Variants in KIAA1958 observed in about 807,000 individuals in gnomAD.
KIAA1958 encodes the protein uncharacterized protein KIAA1958.
Under a neutral mutation model 47.2 loss-of-function variants are expected in KIAA1958, and 14 were observed. The ratio of observed to expected loss-of-function variants is 0.30; its 90% CI spans 0.20 to 0.46. The LOEUF (loss-of-function observed/expected upper bound fraction) is 0.46, where lower values mean the gene tolerates loss of function less well. Ranked by LOEUF, KIAA1958 falls within the 20% of genes least tolerant of loss-of-function variation. The pLI, the probability that KIAA1958 is intolerant of heterozygous loss-of-function variation, is 1.00. For synonymous variants in KIAA1958, 354 were observed against 353.3 expected (o/e 1.00, Z -0.02); for missense variants, 803 against 909.2 (o/e 0.88, Z 1.50).
chr9:112,489,180 A>C (rs554504106), intron 1 of KIAA1958, among the ~76,000 whole-genome samples: 2 of 152,326 alleles, frequency 1.3e-5, no homozygotes, highest in South Asian at 4.1e-4. Flanking sequence ...CCAGGAATGG[A>C]GTTCTAGACC....
intron 2 of KIAA1958, among the ~76,000 whole-genome samples, chr9:112,603,273 A>G (rs543014532): frequency 5.9e-5 from 9 of 152,240 alleles, no homozygotes; most frequent in African/African-American, 2.2e-4. Flanking sequence ...CATTTAACAT[A>G]TTCAGTCTCT....
chr9:112,588,909 G>A (rs937502512), intron 2 of KIAA1958, among the ~76,000 whole-genome samples: 4 of 151,596 alleles, frequency 2.6e-5, no homozygotes, highest in African/African-American at 9.7e-5. Context: ...AACTTTTGGA[G>A]TCCTTAAATT....
rs888086158 is a variant in KIAA1958, at chr9:112,663,892, A to G, written c.*3823A>G. On this transcript the variant is annotated 3_prime_UTR_variant, in exon 4 of 4. Transcript: ENST00000337530. ...ATTATATGCCACACTCAGCATTTTC[A>G]TAGACATAGTCATTAGGAGAATCTG... 4 of 152,270 alleles carry G rather than the reference A, an allele frequency of 2.6e-5. No individual in the cohort carries two copies. The East Asian group carries it at 7.7e-4, about 29-fold the overall frequency. 9.4% of individuals were successfully genotyped at this position (152,270 alleles called of 1,614,324 possible). A position where few individuals can be genotyped will look rare whatever the true frequency, so the allele number is the denominator to read the frequency against.
intron 1 of KIAA1958, among the ~76,000 whole-genome samples, chr9:112,504,283 C>T (rs1834196286): frequency 6.6e-6 from 1 of 151,376 alleles, no homozygotes; most frequent in Non-Finnish European, 1.5e-5. Context: ...ACCTCCTGGG[C>T]TTAAGCAATT....
intron 1 of KIAA1958, among the ~76,000 whole-genome samples, chr9:112,522,174 T>G (rs1440724804): frequency 6.6e-6 from 1 of 152,128 alleles, no homozygotes; most frequent in African/African-American, 2.4e-5. Context: ...TTTCTCCTTG[T>G]TGGTCAGGCT....
intron 1 of KIAA1958, among the ~76,000 whole-genome samples, chr9:112,519,338 A>G (rs1486642123): frequency 1.3e-5 from 2 of 152,162 alleles, no homozygotes. Flanking sequence ...GACAAATTGG[A>G]TGTTTCTTTA....
intron 1 of KIAA1958, among the ~76,000 whole-genome samples, chr9:112,511,149 G>C (rs1834319247): frequency 6.6e-6 from 1 of 152,190 alleles, no homozygotes; most frequent in Non-Finnish European, 1.5e-5. Context: ...GAGATGTTCA[G>C]TTAGGAAAGT....
intron 1 of KIAA1958, among the ~76,000 whole-genome samples, chr9:112,523,348 G>A (rs543303469): frequency 6.6e-6 from 1 of 152,228 alleles, no homozygotes; most frequent in Non-Finnish European, 1.5e-5. Flanking sequence ...CTACTTGTGG[G>A]GCTGAGGTGA....
At chr9:112,595,770 T>C (rs1564185293) in intron 2 of KIAA1958, among the ~76,000 whole-genome samples, 1 of 151,906 alleles carries the variant, frequency 6.6e-6, no homozygotes, top group Non-Finnish European at 1.5e-5. Flanking sequence ...ATACATATTC[T>C]GGGGCTGTTG....
intron 1 of KIAA1958, among the ~76,000 whole-genome samples, chr9:112,572,148 C>T (rs1479203699): frequency 1.3e-5 from 2 of 152,106 alleles, no homozygotes; most frequent in African/African-American, 2.4e-5. Context: ...GCTCATCTGT[C>T]ACTCTTCTGC....
chr9:112,545,578 A>G (rs6477949), intron 1 of KIAA1958, among the ~76,000 whole-genome samples: 145,333 of 152,246 alleles, frequency 0.95, 69,438 homozygotes, highest in African/African-American at 0.99. Context: ...AGCAGCAGAA[A>G]AATACATGTA....
chr9:112,572,397 C>T (rs187689925), intron 1 of KIAA1958, among the ~76,000 whole-genome samples: 1 of 152,222 alleles, frequency 6.6e-6, no homozygotes, highest in Admixed American at 6.5e-5. Flanking sequence ...AAGAACAGGA[C>T]CATGCCTTTT....
At chr9:112,621,691 T>G (rs1312802262) in intron 2 of KIAA1958, among the ~76,000 whole-genome samples, 1 of 152,218 alleles carries the variant, frequency 6.6e-6, no homozygotes, top group African/African-American at 2.4e-5. Context: ...TTCAGAAAAC[T>G]GTTTTCTGAA....
chr9:112,543,632 G>T (rs1319871327), intron 1 of KIAA1958, among the ~76,000 whole-genome samples: 1 of 148,190 alleles, frequency 6.7e-6, no homozygotes, highest in Middle Eastern at 3.2e-3. Context: ...GAGTGCAGTG[G>T]CATGATCTCG....
chr9:112,501,266 C>T (rs1483149231), intron 1 of KIAA1958, among the ~76,000 whole-genome samples: 1 of 151,636 alleles, frequency 6.6e-6, no homozygotes, highest in Non-Finnish European at 1.5e-5. Context: ...AAGCAAGACC[C>T]TTGTCTTTAC....
At chr9:112,549,296 C>T (rs4978496) in intron 1 of KIAA1958, among the ~76,000 whole-genome samples, 145,401 of 152,338 alleles carry the variant, frequency 0.95, 69,463 homozygotes, top group African/African-American at 0.99. Flanking sequence ...TTCTCTTTCT[C>T]AATAAAGTTC....
At chr9:112,586,090 A>G (rs1227860004) in intron 2 of KIAA1958, among the ~76,000 whole-genome samples, 1 of 152,248 alleles carries the variant, frequency 6.6e-6, no homozygotes, top group East Asian at 1.9e-4. Context: ...AAACTTTTAA[A>G]TATTTCCAGA....
chr9:112,542,983 TAGA>T (rs1412934564), intron 1 of KIAA1958, among the ~76,000 whole-genome samples: 3 of 152,232 alleles, frequency 2.0e-5, no homozygotes, highest in Non-Finnish European at 2.9e-5. Flanking sequence ...TTACTCATAA[TAGA>T]AACTGGAAAA....
chr9:112,568,936 T>A (rs1482165517), intron 1 of KIAA1958, among the ~76,000 whole-genome samples: 161 of 36,436 alleles, frequency 4.4e-3, no homozygotes, highest in East Asian at 0.011. Flanking sequence ...ATAGGAAAAC[T>A]AAAAAAAAAA....
Sources: gnomAD v4.1 joint callset for allele counts (sites outside exome capture counted in the v4.1 genomes callset) on GRCh38, gnomAD v4.1.1 for gene constraint, MANE v1.5 for transcripts, NCBI Gene and HGNC (gene_info 2026-07-23, HGNC 2026-07-21) for gene names.